SMOC2: variants seen among roughly 807,000 people sequenced by gnomAD.
SMOC2 encodes SPARC related modular calcium binding 2.
A neutral mutation model predicts 61.4 loss-of-function variants in SMOC2; 39 were observed. The ratio of observed to expected loss-of-function variants is 0.64; its 90% confidence interval spans 0.49 to 0.83. The LOEUF (loss-of-function observed/expected upper bound fraction) is 0.83. Among genes scored for constraint, SMOC2 ranks in the 40% least tolerant of loss-of-function variants. The pLI is 0.00. For synonymous variants in SMOC2, 247 were observed against 239.9 expected (o/e 1.03, Z -0.27); for missense variants, 556 against 592.9 (o/e 0.94, Z 0.65).
intron 2 of SMOC2, among the ~76,000 whole-genome samples, chr6:168,519,256 C>T (rs1182897135): frequency 6.9e-6 from 1 of 145,618 alleles, no homozygotes; most frequent in Admixed American, 6.8e-5. Context: ...TGTTCATGTG[C>T]GTGCGTGCAT....
chr6:168,574,325 C>T (rs899901378), intron 7 of SMOC2, among the ~76,000 whole-genome samples: 1 of 152,206 alleles, frequency 6.6e-6, no homozygotes, highest in African/African-American at 2.4e-5. Flanking sequence ...AGGTCAGCAG[C>T]CATCCTGGAA....
chr6:168,631,714 A>G (rs544349565), intron 9 of SMOC2, among the ~76,000 whole-genome samples: 3 of 146,432 alleles, frequency 2.0e-5, no homozygotes, highest in Non-Finnish European at 2.9e-5. Context: ...GGTTTGGTGC[A>G]CGTGTTTCTG....
intron 7 of SMOC2, among the ~76,000 whole-genome samples, chr6:168,565,503 C>T (rs1205382509): frequency 5.3e-5 from 8 of 152,226 alleles, no homozygotes; most frequent in Admixed American, 5.2e-4. Flanking sequence ...ATCAGGGCCC[C>T]ACTCTTATGA....
In SMOC2 at chr6:168,582,192, G is replaced by T. The variant is rs144174591; in HGVS notation, c.638-16626G>T. On this transcript the variant is annotated intron_variant, in intron 7 of 12. Transcript: ENST00000356284. ...TGGGTTTTGGAGATGACTTCTTTAT[G>T]TCACAGCTCTGCAGTCTCAGGCTGA... Among the ~76,000 whole-genome samples, 709 of 152,322 alleles carry T rather than the reference G, an allele frequency of 4.7e-3. 4 individuals carry two copies. Among genetic ancestry groups the T allele is most frequent in the Middle Eastern group, 0.017 (5 of 294 alleles).
chr6:168,585,856 C>T (rs1785036571), intron 7 of SMOC2, among the ~76,000 whole-genome samples: 1 of 152,186 alleles, frequency 6.6e-6, no homozygotes, highest in African/African-American at 2.4e-5. Context: ...GGCTGTTCAC[C>T]TTTGGTGTTG....
chr6:168,640,229 T>C (rs1310598314), intron 9 of SMOC2, among the ~76,000 whole-genome samples: 1 of 139,058 alleles, frequency 7.2e-6, no homozygotes, highest in African/African-American at 2.9e-5. Flanking sequence ...TGCGGTTGTG[T>C]TGTGGTAGTC....
chr6:168,519,612 T>C lies in SMOC2; in HGVS notation c.257-6734T>C, dbSNP rs934200996. On this transcript the variant is annotated intron_variant, in intron 2 of 12. Transcript: ENST00000356284. The stretch of plus-strand genomic sequence containing the variant: ...GAACATCGCACATCCAAAGGGCCTT[T>C]CCTTGTTTGCTTTAGTGGCACCACC... Among the ~76,000 whole-genome samples, 83 of 152,240 alleles carry C rather than the reference T, an allele frequency of 5.5e-4. 1 individual carries two copies. The highest frequency in any genetic ancestry group is 3.9e-4 in the Admixed American group (6 of 15,288).
In SMOC2 at chr6:168,441,462, C is replaced by T; in HGVS notation, c.84+8C>T. The T allele has an allele frequency of 6.7e-7, 1 of 1,492,974 alleles. No individual in the cohort carries two copies. The highest frequency in any genetic ancestry group is 1.5e-5 in the African/African-American group (1 of 68,446). The allele number at this position is 1,492,974 out of a possible 1,614,324, so 92.5% of individuals were successfully genotyped here. A position where few individuals can be genotyped will look rare whatever the true frequency, so the allele number is the denominator to read the frequency against. On this transcript the variant is annotated splice_region_variant and intron_variant, in intron 1 of 12. Coordinates refer to ENST00000356284, the MANE Select transcript of SMOC2 (RefSeq NM_001166412.2). ...AAGTTCTCGGCGCTCACGGTAAGCC[C>T]GGGCCCGCGGGACCTGGAGCTCAAG...
At chr6:168,527,523 G>C (rs1783482704) in intron 3 of SMOC2, 105 bp from the exon 4 acceptor site, 4 of 778,866 alleles carry the variant, frequency 5.1e-6, no homozygotes, top group African/African-American at 1.7e-5. Flanking sequence ...GGGTATCCCA[G>C]GACCCTGTCT....
chr6:168,476,994 G>A (rs1782101757), intron 1 of SMOC2, among the ~76,000 whole-genome samples: 2 of 152,218 alleles, frequency 1.3e-5, no homozygotes, highest in South Asian at 2.1e-4. Context: ...ACGTTTGTGT[G>A]CAATAACACC....
At chr6:168,663,689 G>A (rs2115293918) in intron 11 of SMOC2, among the ~76,000 whole-genome samples, 1 of 152,252 alleles carries the variant, frequency 6.6e-6, no homozygotes, top group Non-Finnish European at 1.5e-5. Context: ...AAGCAAACTT[G>A]CATCAAAAAT....
chr6:168,665,793 C>A (rs529953404), intron 12 of SMOC2, among the ~76,000 whole-genome samples: 1 of 152,002 alleles, frequency 6.6e-6, no homozygotes, highest in Non-Finnish European at 1.5e-5. Context: ...AAAAGCCAAC[C>A]CAGAAACCTA....
chr6:168,659,714 C>T (rs200584341), intron 11 of SMOC2, among the ~76,000 whole-genome samples: 47 of 1,682 alleles, frequency 0.028, no homozygotes, highest in African/African-American at 0.055. Flanking sequence ...AGGTTGTAGG[C>T]TGAGTGAGGG....
intron 7 of SMOC2, among the ~76,000 whole-genome samples, chr6:168,582,722 T>C (rs1784947721): frequency 6.6e-6 from 1 of 151,756 alleles, no homozygotes; most frequent in Non-Finnish European, 1.5e-5. Flanking sequence ...CTGGGAGGAG[T>C]GCGTCACGCG....
In SMOC2 at chr6:168,640,412, C is replaced by T. The variant is rs1031134581; in HGVS notation, c.908-10269C>T. Among the ~76,000 whole-genome samples, 86 of 152,250 alleles carry T rather than the reference C, an allele frequency of 5.6e-4. 1 individual carries two copies. The highest frequency in any genetic ancestry group is 3.4e-3 in the Middle Eastern group (1 of 294). On this transcript the variant is annotated intron_variant, in intron 9 of 12. Coordinates refer to ENST00000356284, the MANE Select transcript of SMOC2 (RefSeq NM_001166412.2). ...GCATTCCCGGGGGCTGCTGCAGACG[C>T]TGAGGGGCCCAGGCAGCCAGGCACC...
chr6:168,558,835 G>A (rs151274580), intron 7 of SMOC2, among the ~76,000 whole-genome samples: 2,314 of 151,812 alleles, frequency 0.015, 30 homozygotes, highest in Middle Eastern at 0.034. Context: ...GCATGTGTGT[G>A]CACGTGTGTA....
rs1209967133 is a variant in SMOC2 at position 168,552,303 on chromosome 6, ATATACT to A, written c.637+3102_637+3107del. Among the ~76,000 whole-genome samples the A allele has an allele frequency of 5.9e-5, 9 of 152,216 alleles. No individual in the cohort carries two copies. In the South Asian group the frequency reaches 6.2e-4, roughly 11 times the overall value. On this transcript the variant is annotated intron_variant, in intron 7 of 12. Transcript: ENST00000356284. ...TTTATACTTAATTTTAATTTTTAAA[ATATACT>A]TTTACTTGTAATCATCTTCGGTAGA...
chr6:168,635,606 C>T (rs1249502920), intron 9 of SMOC2, among the ~76,000 whole-genome samples: 1 of 152,160 alleles, frequency 6.6e-6, no homozygotes, highest in Non-Finnish European at 1.5e-5. Context: ...CATGGTGGCT[C>T]ACGCCTGTAA....
intron 7 of SMOC2, among the ~76,000 whole-genome samples, chr6:168,585,010 T>C (rs1334884535): frequency 6.6e-6 from 1 of 152,202 alleles, no homozygotes; most frequent in Non-Finnish European, 1.5e-5. Flanking sequence ...CAGGTTGGAG[T>C]GCAGTGGTGT....
Sources: gnomAD v4.1 joint callset for allele counts (sites outside exome capture counted in the v4.1 genomes callset) on GRCh38, gnomAD v4.1.1 for gene constraint, MANE v1.5 for transcripts, NCBI Gene and HGNC (gene_info 2026-07-23, HGNC 2026-07-21) for gene names.